Variants in FAM114A1 observed in about 807,000 individuals in gnomAD.
FAM114A1 encodes family with sequence similarity 114 member A1.
A neutral mutation model predicts 64.3 loss-of-function variants in FAM114A1; 62 were observed. The observed-to-expected ratio is 0.96, with a 90% CI of 0.79 to 1.19. FAM114A1 has a LOEUF of 1.19. Ranked by LOEUF, FAM114A1 falls within the 50% of genes most tolerant of loss-of-function variation. The pLI is 0.00. For missense variants in FAM114A1, 645 were observed against 676.3 expected, an observed-to-expected ratio of 0.95 and a Z score of 0.51; for synonymous variants, 254 against 251.1, an observed-to-expected ratio of 1.01 and a Z score of -0.11.
chr4:38,905,762 T>TG lies in FAM114A1; in HGVS notation c.559dup (p.Ala187GlyfsTer35), dbSNP rs1717938453. On this transcript the variant is annotated frameshift_variant, in exon 6 of 15. Coordinates refer to ENST00000358869, the MANE Select transcript of FAM114A1 (RefSeq NM_138389.4). LOFTEE classifies it high-confidence loss of function. Reference sequence around the variant, plus strand: ...TTTCTTTTTTCTCTTTAGTAACAGATGCAGCCACAGATCAGGGCCCTGCAG... The same window carrying TG: ...TTTCTTTTTTCTCTTTAGTAACAGATGGCAGCCACAGATCAGGGCCCTGCAG... 4 of 1,612,574 alleles carry TG rather than the reference T, an allele frequency of 2.5e-6. No homozygotes were observed. The highest frequency in any genetic ancestry group is 1.6e-4 in the Middle Eastern group (1 of 6,066).
At chr4:38,892,730 G>T (rs1716521724) in intron 4 of FAM114A1, among the ~76,000 whole-genome samples, 1 of 152,224 alleles carries the variant, frequency 6.6e-6, no homozygotes, top group Admixed American at 6.5e-5. Flanking sequence ...ATTCTAAGGT[G>T]CAGTCCATGG....
chr4:38,934,012 A>G (rs1490050751), intron 12 of FAM114A1, among the ~76,000 whole-genome samples: 1 of 152,246 alleles, frequency 6.6e-6, no homozygotes, highest in African/African-American at 2.4e-5. Flanking sequence ...TATAAAAATC[A>G]AAGTTATTAT....
At chr4:38,919,937 G>A (rs192166544) in intron 8 of FAM114A1, among the ~76,000 whole-genome samples, 1 of 152,306 alleles carries the variant, frequency 6.6e-6, no homozygotes, top group Non-Finnish European at 1.5e-5. Flanking sequence ...TCGGCTGGGC[G>A]CGATGGCACA....
chr4:38,910,753 A>G (rs1419004414), intron 7 of FAM114A1, among the ~76,000 whole-genome samples: 1 of 152,146 alleles, frequency 6.6e-6, no homozygotes, highest in Non-Finnish European at 1.5e-5. Context: ...AACTCACGCA[A>G]AGGCCCTGAG....
At chr4:38,895,741 A>G (rs1716868817) in intron 4 of FAM114A1, among the ~76,000 whole-genome samples, 2 of 152,244 alleles carry the variant, frequency 1.3e-5, no homozygotes, top group Non-Finnish European at 2.9e-5. Flanking sequence ...ACAGACCTAC[A>G]CAGCTAGGCT....
chr4:38,941,758 C>A (rs1721593750), intron 14 of FAM114A1, among the ~76,000 whole-genome samples: 1 of 152,198 alleles, frequency 6.6e-6, no homozygotes, highest in African/African-American at 2.4e-5. Context: ...CAGCTGAAGG[C>A]ACAAGGTGTT....
chr4:38,945,101 G>T lies in FAM114A1; in HGVS notation c.*1544G>T, dbSNP rs547039374. Reference sequence around the variant, plus strand: ...ATTTAGTTTAAAATTAATTTCTTACGATCACGAGCACATGGTGGCATAATT... The same window carrying T: ...ATTTAGTTTAAAATTAATTTCTTACTATCACGAGCACATGGTGGCATAATT... On this transcript the variant is annotated 3_prime_UTR_variant, in exon 15 of 15. Transcript: ENST00000358869. 1.3e-5 allele frequency: 2 copies of T among 152,196 alleles called. No homozygotes were observed. The highest frequency in any genetic ancestry group is 3.9e-4 in the East Asian group (2 of 5,190). The allele number at this position is 152,196 out of a possible 1,614,324, so 9.4% of individuals were successfully genotyped here. A position where few individuals can be genotyped will look rare whatever the true frequency, so the allele number is the denominator to read the frequency against.
intron 3 of FAM114A1, among the ~76,000 whole-genome samples, chr4:38,888,755 AG>A (rs1716055143): frequency 6.6e-6 from 1 of 152,058 alleles, no homozygotes; most frequent in African/African-American, 2.4e-5. Flanking sequence ...CTATGGAAGG[AG>A]GTGGGAGTTA....
intron 8 of FAM114A1, among the ~76,000 whole-genome samples, chr4:38,917,030 C>T (rs1464365364): frequency 2.0e-5 from 3 of 151,940 alleles, no homozygotes; most frequent in Non-Finnish European, 2.9e-5. Context: ...CTTAGCCAGG[C>T]GCAGTGGCTC....
intron 4 of FAM114A1, among the ~76,000 whole-genome samples, chr4:38,902,856 CA>C (rs1192567148): frequency 6.6e-6 from 1 of 152,098 alleles, no homozygotes; most frequent in Non-Finnish European, 1.5e-5. Context: ...CAAAAGGCAA[CA>C]GTGACTTCAT....
At chr4:38,869,694 T>C (rs1713830463) in intron 2 of FAM114A1, among the ~76,000 whole-genome samples, 1 of 151,558 alleles carries the variant, frequency 6.6e-6, no homozygotes. Flanking sequence ...TTATTCCTGG[T>C]CCTTCGCTGA....
chr4:38,932,550 G>A (rs553714520), intron 12 of FAM114A1, among the ~76,000 whole-genome samples, 176 bp downstream of exon 12: 1 of 152,262 alleles, frequency 6.6e-6, no homozygotes, highest in African/African-American at 2.4e-5. Flanking sequence ...AGACTGGAGT[G>A]CAATGGCATG....
intron 14 of FAM114A1, among the ~76,000 whole-genome samples, chr4:38,941,996 T>A (rs574675863): frequency 9.2e-5 from 14 of 152,246 alleles, no homozygotes; most frequent in East Asian, 3.9e-4. Flanking sequence ...GTCATGGTGG[T>A]AGGTGAAAGG....
In FAM114A1 at chr4:38,929,269, C is replaced by T. The variant is rs149149187; in HGVS notation, c.1097C>T (p.Ala366Val). 6.2e-7 allele frequency: 1 copy of T among 1,613,858 alleles called. No individual in the cohort carries two copies. Among genetic ancestry groups the T allele is most frequent in the South Asian group, 1.1e-5 (1 of 91,086 alleles). The change falls in exon 10 of 15, where the codon GCT becomes GTT. Residue 366 changes from alanine to valine, a missense_variant. Coordinates refer to ENST00000358869, the MANE Select transcript of FAM114A1 (RefSeq NM_138389.4). ...TTAGAAGAAAAGGGAGAAGAATTTG[C>T]TCGCATGCTTACAGAGCTTCTCTTT... The part of the protein sequence containing the change: ...QGLEEKGEEF[A>V]RMLTELLFEL...
intron 4 of FAM114A1, among the ~76,000 whole-genome samples, chr4:38,900,679 G>A (rs1717426200): frequency 6.6e-6 from 1 of 152,182 alleles, no homozygotes. Flanking sequence ...CCACTTCTGT[G>A]GGGCACTTAG....
intron 2 of FAM114A1, among the ~76,000 whole-genome samples, chr4:38,875,255 T>C (rs1714497955): frequency 6.6e-6 from 1 of 152,220 alleles, no homozygotes; most frequent in Non-Finnish European, 1.5e-5. Context: ...ATCTGTACAT[T>C]GCTTTGGGTA....
intron 4 of FAM114A1, among the ~76,000 whole-genome samples, chr4:38,892,675 G>A (rs1289516383): frequency 3.3e-5 from 5 of 152,204 alleles, no homozygotes; most frequent in Admixed American, 3.3e-4. Flanking sequence ...TAAGAAGATA[G>A]GGGAAGCCAC....
At chr4:38,926,965 G>T (rs969295436) in intron 9 of FAM114A1, among the ~76,000 whole-genome samples, 8 of 152,158 alleles carry the variant, frequency 5.3e-5, no homozygotes, top group Admixed American at 1.3e-4. Flanking sequence ...AAAACGATTT[G>T]CTTGTTGTGG....
Position 38,871,520 on chromosome 4 carries a change from A to C in FAM114A1, c.-9+2974A>C, listed in dbSNP as rs190028887. Reference sequence around the variant, plus strand: ...TAAATATTTTTTGACAATAGTCCATAAATATGTTTTAACAATGCCTGTTTA... The same window carrying C: ...TAAATATTTTTTGACAATAGTCCATCAATATGTTTTAACAATGCCTGTTTA... On this transcript the variant is annotated intron_variant, in intron 2 of 14. Coordinates refer to ENST00000358869, the MANE Select transcript of FAM114A1 (RefSeq NM_138389.4). Among the ~76,000 whole-genome samples the C allele has an allele frequency of 3.9e-5, 6 of 152,302 alleles. No homozygotes were observed. In the East Asian group the frequency reaches 1.2e-3, roughly 29 times the overall value.
Sources: gnomAD v4.1 joint callset for allele counts (sites outside exome capture counted in the v4.1 genomes callset) on GRCh38, gnomAD v4.1.1 for gene constraint, MANE v1.5 for transcripts, NCBI Gene and HGNC (gene_info 2026-07-23, HGNC 2026-07-21) for gene names.